The following CAMTA1 variants were observed in gnomAD, a reference collection of about 807,000 sequenced individuals.
CAMTA1 encodes the protein calmodulin-binding transcription activator 1.
A neutral mutation model predicts 170.9 loss-of-function variants in CAMTA1; 27 were observed. That is an observed-to-expected ratio of 0.16 (90% CI 0.12 to 0.22). The LOEUF (loss-of-function observed/expected upper bound fraction) is 0.22, where lower values mean the gene tolerates loss of function less well. Among genes scored for constraint, CAMTA1 ranks in the 10% least tolerant of loss-of-function variants. CAMTA1 has a pLI of 1.00. For missense variants in CAMTA1, 1,619 were observed against 2,217.2 expected (o/e 0.73, Z 5.42); for synonymous variants, 833 against 891.5 (o/e 0.93, Z 1.17).
At chr1:7,490,450 G>A (rs577268111) in intron 6 of CAMTA1, among the ~76,000 whole-genome samples, 48 of 152,302 alleles carry the variant, frequency 3.2e-4, no homozygotes, top group Non-Finnish European at 5.6e-4. Flanking sequence ...TCAGGAGTTC[G>A]AGACCAGCCT....
At chr1:6,944,656 C>T (rs1007857043) in intron 3 of CAMTA1, among the ~76,000 whole-genome samples, 5 of 152,184 alleles carry the variant, frequency 3.3e-5, no homozygotes, top group Admixed American at 6.5e-5. Context: ...TGTCACATTG[C>T]GTCATAACCC....
chr1:6,785,498 G>A lies in CAMTA1; in HGVS notation c.-33G>A. 9.8e-7 allele frequency: 1 copy of A among 1,025,620 alleles called. No individual in the cohort carries two copies. The highest frequency in any genetic ancestry group is 1.2e-6 in the Non-Finnish European group (1 of 850,702). The allele number at this position is 1,025,620 out of a possible 1,614,324, so 63.5% of individuals were successfully genotyped here. On this transcript the variant is annotated 5_prime_UTR_variant, in exon 1 of 23. Transcript: ENST00000303635. Reference sequence around the variant, plus strand: ...CGGCGGCGGCGGCGGTACGAGGCGCGCGCTCGGGGTCCCGGTCGCGAGGAG... The same window carrying A: ...CGGCGGCGGCGGCGGTACGAGGCGCACGCTCGGGGTCCCGGTCGCGAGGAG...
chr1:7,238,544 C>T (rs777231994), intron 4 of CAMTA1, among the ~76,000 whole-genome samples: 2 of 152,180 alleles, frequency 1.3e-5, no homozygotes, highest in African/African-American at 4.8e-5. Context: ...CCCAGGGGCT[C>T]AGCTTGAAAC....
chr1:7,352,020 C>T (rs187623068), intron 5 of CAMTA1, among the ~76,000 whole-genome samples: 5 of 151,636 alleles, frequency 3.3e-5, no homozygotes, highest in East Asian at 1.9e-4. Context: ...TTGAAACCAT[C>T]GGGAAAGCGC....
intron 3 of CAMTA1, among the ~76,000 whole-genome samples, chr1:7,034,767 G>C (rs937617797): frequency 3.3e-5 from 5 of 152,168 alleles, no homozygotes; most frequent in Non-Finnish European, 5.9e-5. Flanking sequence ...CCAGATGTCT[G>C]ATATCTAGAG....
intron 6 of CAMTA1, among the ~76,000 whole-genome samples, chr1:7,488,034 G>T (rs1156918734): frequency 6.6e-6 from 1 of 152,112 alleles, no homozygotes; most frequent in African/African-American, 2.4e-5. Context: ...CTTTCTCTGA[G>T]ACTCCTCCCA....
intron 3 of CAMTA1, among the ~76,000 whole-genome samples, chr1:7,088,195 A>G (rs1308104852): frequency 6.6e-6 from 1 of 152,208 alleles, no homozygotes; most frequent in Non-Finnish European, 1.5e-5. Flanking sequence ...GCTTCCTCGG[A>G]AAGGCTTCTC....
intron 5 of CAMTA1, among the ~76,000 whole-genome samples, chr1:7,425,044 T>C (rs1184910477): frequency 6.6e-6 from 1 of 152,078 alleles, no homozygotes; most frequent in Admixed American, 6.5e-5. Context: ...AGAGCACTGC[T>C]TATTTACTTT....
intron 6 of CAMTA1, among the ~76,000 whole-genome samples, chr1:7,639,521 G>A (rs959661934): frequency 1.5e-4 from 23 of 152,106 alleles, no homozygotes; most frequent in African/African-American, 5.3e-4. Flanking sequence ...GCCTGTCATC[G>A]CAGCAGTTTG....
At chr1:7,273,431 T>G (rs1232284258) in intron 5 of CAMTA1, among the ~76,000 whole-genome samples, 1 of 152,234 alleles carries the variant, frequency 6.6e-6, no homozygotes, top group Non-Finnish European at 1.5e-5. Flanking sequence ...ACAACGTGGA[T>G]GAACTTCTAA....
At chr1:6,907,542 C>G (rs1376487616) in intron 3 of CAMTA1, among the ~76,000 whole-genome samples, 2 of 152,210 alleles carry the variant, frequency 1.3e-5, no homozygotes, top group Non-Finnish European at 2.9e-5. Flanking sequence ...GACCGCCGCT[C>G]TATGACCTTC....
intron 4 of CAMTA1, among the ~76,000 whole-genome samples, chr1:7,115,774 C>T (rs974114339): frequency 2.6e-5 from 4 of 152,144 alleles, no homozygotes; most frequent in African/African-American, 9.7e-5. Context: ...TTTAGTCTGA[C>T]TTCAGAGGCC....
chr1:6,877,730 T>C (rs1236418051), intron 3 of CAMTA1, among the ~76,000 whole-genome samples: 3 of 152,178 alleles, frequency 2.0e-5, no homozygotes, highest in Non-Finnish European at 4.4e-5. Flanking sequence ...GGTTTGGATA[T>C]CCAGCCCCTT....
intron 5 of CAMTA1, among the ~76,000 whole-genome samples, chr1:7,394,778 A>G (rs2089106800): frequency 6.6e-6 from 1 of 151,450 alleles, no homozygotes; most frequent in Non-Finnish European, 1.5e-5. Flanking sequence ...CCAGACCAAT[A>G]TCATGAAGCA....
intron 6 of CAMTA1, among the ~76,000 whole-genome samples, chr1:7,469,827 T>C (rs1036173805): frequency 9.9e-5 from 15 of 152,244 alleles, no homozygotes; most frequent in Non-Finnish European, 2.2e-4. Context: ...CCAAGCTGCA[T>C]TCTGCTCATT....
rs150170733 is a variant in CAMTA1 at position 7,068,694 on chromosome 1, A to G, written c.235-22610A>G. ...TGGCTACTGAACATCCGGCCAATTC[A>G]GCTCCCAGCTCCCAATTAGCCTGCC... On this transcript the variant is annotated intron_variant, in intron 3 of 22. Transcript: ENST00000303635. Among the ~76,000 whole-genome samples the G allele has an allele frequency of 9.4e-3, 1,425 of 152,226 alleles. 31 individuals are homozygous for G. Among genetic ancestry groups the G allele is most frequent in the African/African-American group, 0.033 (1,361 of 41,534 alleles).
Position 7,610,106 on chromosome 1 carries a change from G to A in CAMTA1, c.511-30294G>A, listed in dbSNP as rs527898611. On this transcript the variant is annotated intron_variant, in intron 6 of 22. Transcript: ENST00000303635. ...GCAACGGAGAAGCATGGAGGGCACA[G>A]CCCAGCCAGGGGTTGTGCAAAAACA... Among the ~76,000 whole-genome samples the A allele has an allele frequency of 8.8e-4, 134 of 152,298 alleles. 4 individuals are homozygous for A. The South Asian group carries it at 0.026, about 30-fold the overall frequency.
rs758066907 is a variant in CAMTA1, at chr1:7,580,028, C to T, written c.511-60372C>T. ...AGCTCAGCTGAATCCACCCTCTCTC[C>T]GGTCAACTCACAACTCACACATGCA... On this transcript the variant is annotated intron_variant, in intron 6 of 22. Coordinates refer to ENST00000303635, the MANE Select transcript of CAMTA1 (RefSeq NM_015215.4). This position sits in a 1 kb window ranked among gnomAD's most constrained non-coding sequence, Gnocchi z 4.3. 2.6e-5 allele frequency among the ~76,000 whole-genome samples: 4 copies of T among 152,246 alleles called. No individual in the cohort carries two copies. Among genetic ancestry groups the T allele is most frequent in the Admixed American group, 6.5e-5 (1 of 15,290 alleles).
At chr1:7,002,008 T>C (rs898008856) in intron 3 of CAMTA1, among the ~76,000 whole-genome samples, 1 of 151,232 alleles carries the variant, frequency 6.6e-6, no homozygotes, top group African/African-American at 2.4e-5. Context: ...GCAATTCTCC[T>C]GCCTCAGCAT....
Sources: allele counts gnomAD v4.1 joint callset (sites outside exome capture counted in the v4.1 genomes callset), GRCh38; gene constraint gnomAD v4.1.1; non-coding constraint Gnocchi (gnomAD v3.1); transcripts MANE v1.5; gene names NCBI Gene and HGNC (gene_info 2026-07-23, HGNC 2026-07-21).